Variants in NDUFS2 observed in about 807,000 individuals in gnomAD.
NDUFS2 encodes NADH:ubiquinone oxidoreductase core subunit S2.
In NDUFS2, 38 loss-of-function variants were observed where a neutral mutation model predicts 69.6. The observed-to-expected ratio is 0.55, with a 90% CI of 0.42 to 0.72. NDUFS2 has a LOEUF of 0.72. Ranked by LOEUF, NDUFS2 falls within the 30% of genes least tolerant of loss-of-function variation. NDUFS2 has a pLI of 0.00. For synonymous variants in NDUFS2, 194 were observed against 211.2 expected (o/e 0.92, Z 0.70); for missense variants, 468 against 595.0 (o/e 0.79, Z 2.22).
rs760683995 is a variant in NDUFS2, at chr1:161,202,412, C to T, written c.27C>T (p.Gly9=). 18 of 1,612,710 alleles carry T rather than the reference C, an allele frequency of 1.1e-5. No homozygotes were observed. In the South Asian group the frequency reaches 1.7e-4, roughly 15 times the overall value. Residue 9 remains glycine, a synonymous_variant, in exon 1 of 14, where the codon GGC becomes GGT. Coordinates refer to ENST00000676972, the MANE Select transcript of NDUFS2 (RefSeq NM_001377299.1). MAALRALC[G]FRGVAAQVLR... is the part of the protein sequence containing the mutation. ...TGGCGGCGCTGAGGGCTTTGTGCGG[C>T]TTCCGGGGCGTCGCGGCCCAGGTGC...
At chr1:161,202,317 G>A (rs1665172947), upstream of NDUFS2, 3 of 1,495,172 alleles carry the variant, frequency 2.0e-6, no homozygotes, top group South Asian at 2.4e-5. Context: ...TAGGTGAGAA[G>A]CCAAGAAGGA....
chr1:161,198,352 C>T (rs1282238301), upstream of NDUFS2: 1 of 1,613,288 alleles, frequency 6.2e-7, no homozygotes, highest in Admixed American at 1.7e-5. The surrounding 1 kb of genome is among the most constrained non-coding windows in gnomAD (Gnocchi z 4.7). Flanking sequence ...GCTCTAGTAG[C>T]AGCGTCTCCC....
Position 161,209,884 on chromosome 1 carries a change from G to A in NDUFS2, c.655G>A (p.Gly219Arg). The A allele has an allele frequency of 1.9e-6, 3 of 1,614,066 alleles. No individual in the cohort carries two copies. The highest frequency in any genetic ancestry group is 2.5e-6 in the Non-Finnish European group (3 of 1,180,020). Reference protein sequence around the residue: ...KMFEFYERVSGARMHAAYIRP... With the variant: ...KMFEFYERVSRARMHAAYIRP... ...GTTTGAGTTCTACGAGCGAGTGTCT[G>A]GAGCCCGAATGCATGCTGCTTATAT... The change falls in exon 6 of 14, where the codon GGA (glycine) becomes AGA (arginine). Residue 219 changes from glycine to arginine, a missense_variant. Around this residue, in one of 3 missense-constraint regions of NDUFS2, gnomAD observed 339 missense variants for 433.8 expected, o/e 0.78. Coordinates refer to ENST00000676972, the MANE Select transcript of NDUFS2 (RefSeq NM_001377299.1).
intron 2 of NDUFS2, chr1:161,203,782 T>G: frequency 5.7e-6 from 3 of 522,860 alleles, no homozygotes; most frequent in South Asian, 4.0e-5. Flanking sequence ...ATTTTCCTTT[T>G]GTAGAGACAG....
chr1:161,201,088 C>T (rs191088839), upstream of NDUFS2, among the ~76,000 whole-genome samples: 152 of 152,292 alleles, frequency 1.0e-3, no homozygotes, highest in Middle Eastern at 0.014. Context: ...GAAAGAAGGC[C>T]CAGGGAAAGA....
upstream of NDUFS2, among the ~76,000 whole-genome samples, chr1:161,199,912 C>T (rs936471323): frequency 6.7e-5 from 10 of 149,312 alleles, no homozygotes; most frequent in African/African-American, 2.5e-4. Flanking sequence ...CTCCCCATTT[C>T]CCTGGCCCAG....
chr1:161,213,526 G>T, intron 11 of NDUFS2, 51 bp downstream of exon 11: 1 of 1,552,252 alleles, frequency 6.4e-7, no homozygotes, highest in South Asian at 1.1e-5. Flanking sequence ...GGTAGCTAAA[G>T]ATAGATGTTT....
chr1:161,207,111 G>A lies in NDUFS2; in HGVS notation c.393+514G>A, dbSNP rs115407428. Among the ~76,000 whole-genome samples the A allele has an allele frequency of 2.5e-3, 374 of 152,294 alleles. 2 individuals carry two copies. The highest frequency in any genetic ancestry group is 8.7e-3 in the African/African-American group (362 of 41,548). ...ATGAAGGTCAGATTTGAAGGAGTTG[G>A]ATCTCTAATAGGAATCTGAAGTTTT... On this transcript the variant is annotated intron_variant, in intron 3 of 13. Coordinates refer to ENST00000676972, the MANE Select transcript of NDUFS2 (RefSeq NM_001377299.1).
chr1:161,202,238 A>C (rs1571598790), upstream of NDUFS2: 1 of 757,736 alleles, frequency 1.3e-6, no homozygotes, highest in Non-Finnish European at 2.3e-6. Context: ...GAGTCACAGG[A>C]CCCGGATGTT....
chr1:161,212,191 G>A (rs1341477348), intron 9 of NDUFS2, among the ~76,000 whole-genome samples, 160 bp from the exon 10 acceptor site: 1 of 151,844 alleles, frequency 6.6e-6, no homozygotes, highest in Non-Finnish European at 1.5e-5. Context: ...AAAGACTACA[G>A]GGTTTATATG....
At chr1:161,212,245 G>C (rs1665811815) in intron 9 of NDUFS2, 106 bp from the exon 10 acceptor site, 1 of 1,379,890 alleles carries the variant, frequency 7.2e-7, no homozygotes, top group East Asian at 2.3e-5. Context: ...AGAAAAGAGT[G>C]GGGAGAGTTG....
chr1:161,198,915 C>A (rs1268827260), upstream of NDUFS2: 2 of 387,084 alleles, frequency 5.2e-6, no homozygotes, highest in Non-Finnish European at 4.6e-6. The surrounding 1 kb of genome is among the most constrained non-coding windows in gnomAD (Gnocchi z 4.7). Flanking sequence ...TCTCTGGCCT[C>A]TCCCTCTGTA....
chr1:161,202,215 C>T (rs542966541), upstream of NDUFS2: 20 of 685,534 alleles, frequency 2.9e-5, no homozygotes, highest in East Asian at 1.6e-4. Flanking sequence ...GTTATCTAAA[C>T]GCAAGTGAAG....
upstream of NDUFS2, chr1:161,198,320 T>G: frequency 6.2e-7 from 1 of 1,613,412 alleles, no homozygotes; most frequent in Non-Finnish European, 8.5e-7. This position sits in a 1 kb window ranked among gnomAD's most constrained non-coding sequence, Gnocchi z 4.7. Context: ...CCCCTCGACC[T>G]GCACACCGGA....
At position 161,206,483 on chromosome 1, in the gene NDUFS2, T is replaced by G. The variant is rs1188682585; in HGVS notation, c.279T>G (p.Gly93=). 1.2e-6 allele frequency: 2 copies of G among 1,614,252 alleles called. No individual in the cohort carries two copies. Among genetic ancestry groups the G allele is most frequent in the South Asian group, 1.1e-5 (1 of 91,090 alleles). ...GGCCCCAACACCCAGCAGCGCATGG[T>G]GTCCTGCGACTAGTGATGGAATTGA... is the stretch of plus-strand genomic sequence containing the variant. ...NFGPQHPAAH[G]VLRLVMELSG... is the part of the protein sequence containing the mutation. Residue 93 remains glycine, a synonymous_variant, in exon 3 of 14, where the codon GGT becomes GGG. Coordinates refer to ENST00000676972, the MANE Select transcript of NDUFS2 (RefSeq NM_001377299.1).
chr1:161,213,472 C>A lies in NDUFS2; in HGVS notation c.1209C>A (p.Pro403=). The A allele has an allele frequency of 6.2e-7, 1 of 1,608,360 alleles. No homozygotes were observed. Among genetic ancestry groups the A allele is most frequent in the South Asian group, 1.1e-5 (1 of 90,420 alleles). Residue 403 remains proline (P), a synonymous_variant, in exon 11 of 14, where the codon CCC becomes CCA. Coordinates refer to ENST00000676972, the MANE Select transcript of NDUFS2 (RefSeq NM_001377299.1). The part of the protein sequence containing the change: ...PGATYTAIEA[P]KGEFGVYLVS... ...CCACATATACTGCCATTGAGGCTCC[C>A]AAGGTAAGGAGAGGAGGGGAAGGAA...
At chr1:161,202,266 C>A (rs1455987415), upstream of NDUFS2, 17 of 989,166 alleles carry the variant, frequency 1.7e-5, no homozygotes, top group Middle Eastern at 3.0e-4. Context: ...CGACGGTAAA[C>A]GACCCTGCCA....
chr1:161,199,068 C>T (rs1665003945), upstream of NDUFS2: 1 of 160,444 alleles, frequency 6.2e-6, no homozygotes, highest in South Asian at 2.0e-4. Context: ...CCTCTCTCCG[C>T]GCCAGCTCTT....
chr1:161,200,839 G>C (rs1177799219), upstream of NDUFS2, among the ~76,000 whole-genome samples: 1 of 152,156 alleles, frequency 6.6e-6, no homozygotes. Flanking sequence ...GAAAGACAAA[G>C]GGCTTTAGAG....
Sources: allele counts gnomAD v4.1 joint callset (sites outside exome capture counted in the v4.1 genomes callset), GRCh38; gene constraint gnomAD v4.1.1; regional missense constraint gnomAD v4.1.1; non-coding constraint Gnocchi (gnomAD v3.1); transcripts MANE v1.5; gene names NCBI Gene and HGNC (gene_info 2026-07-23, HGNC 2026-07-21).